UBA3: variants seen among roughly 807,000 people sequenced by gnomAD.
UBA3 encodes the protein ubiquitin like modifier activating enzyme 3, also known as NEDD8-activating enzyme E1 catalytic subunit.
In UBA3, 26 loss-of-function variants were observed where a neutral mutation model predicts 73.5. That is an observed-to-expected ratio of 0.35 (90% CI 0.26 to 0.49). The LOEUF is 0.49. Among genes scored for constraint, UBA3 ranks in the 20% least tolerant of loss-of-function variants. The pLI is 0.98. For missense variants in UBA3, 495 were observed against 555.6 expected, an observed-to-expected ratio of 0.89 and a Z score of 1.10; for synonymous variants, 217 against 191.2, an observed-to-expected ratio of 1.13 and a Z score of -1.11.
At chr3:69,065,530 C>A (rs1320368669) in intron 6 of UBA3, among the ~76,000 whole-genome samples, 1 of 152,230 alleles carries the variant, frequency 6.6e-6, no homozygotes, top group Admixed American at 6.5e-5. Flanking sequence ...GCAGCCTCCA[C>A]ATCCTGGGCT....
At chr3:69,074,913 C>T (rs2092152211) in intron 4 of UBA3, among the ~76,000 whole-genome samples, 1 of 152,138 alleles carries the variant, frequency 6.6e-6, no homozygotes, top group Non-Finnish European at 1.5e-5. Flanking sequence ...GAACACTTAA[C>T]TAAGAACTGA....
intron 4 of UBA3, among the ~76,000 whole-genome samples, chr3:69,074,501 C>G (rs1244839188): frequency 6.6e-6 from 1 of 152,176 alleles, no homozygotes. Flanking sequence ...TTCACTCAAG[C>G]GACATTAGTG....
intron 8 of UBA3, 150 bp downstream of exon 8, chr3:69,063,289 A>G: frequency 1.6e-6 from 2 of 1,265,770 alleles, no homozygotes; most frequent in South Asian, 2.8e-5. Context: ...TCTTCACCTG[A>G]AAACCAATGA....
chr3:69,079,531 T>A (rs3755718), intron 2 of UBA3, among the ~76,000 whole-genome samples: 1 of 152,046 alleles, frequency 6.6e-6, no homozygotes, highest in African/African-American at 2.4e-5. Context: ...CTCACCAGCA[T>A]AGAATTAAGC....
intron 6 of UBA3, among the ~76,000 whole-genome samples, chr3:69,064,673 T>G (rs1413662207): frequency 6.6e-6 from 1 of 152,196 alleles, no homozygotes; most frequent in Non-Finnish European, 1.5e-5. Context: ...GTTTTCAAGT[T>G]ACCCTACCAA....
At position 69,080,117 on chromosome 3, in the gene UBA3, A is replaced by G; in HGVS notation, c.57T>C (p.Ala19=). 1 of 1,608,516 alleles carries G rather than the reference A, an allele frequency of 6.2e-7. No homozygotes were observed. The highest frequency in any genetic ancestry group is 8.5e-7 in the Non-Finnish European group (1 of 1,178,444). ...KKRRRIEELL[A]EKMAVDGGCG... is the part of the protein sequence containing the mutation. Reference sequence around the variant, plus strand: ...GGCCTCCCGGCAGCACTAACTTCTCAGCCAGCAGCTCCTCTATTCTCCTTC... The same window carrying G: ...GGCCTCCCGGCAGCACTAACTTCTCGGCCAGCAGCTCCTCTATTCTCCTTC... Residue 19 remains alanine, a synonymous_variant, in exon 2 of 18, where the codon GCT becomes GCC. Transcript: ENST00000361055.
At chr3:69,057,363 T>C (rs1024611401) in intron 11 of UBA3, 54 bp from the exon 12 acceptor site, 2 of 1,496,100 alleles carry the variant, frequency 1.3e-6, no homozygotes, top group East Asian at 2.3e-5. Flanking sequence ...AAAAGAGTTC[T>C]CTTAAATTAG....
chr3:69,056,190 C>T lies in UBA3; in HGVS notation c.1177G>A (p.Ala393Thr), dbSNP rs781467334. ...AAAATCTACAATACTTACAGAGAAG[C>T]ACTATTGGTTAGATAATCCAAAACC... ...QEVLDYLTNS[A>T]SLQMKSPAIT... is the part of the protein sequence containing the mutation. Residue 393 changes from alanine (A) to threonine (T), a missense_variant, in exon 15 of 18, where the codon GCT becomes ACT. Ala to Thr is a moderately conservative substitution (Grantham distance 58). Transcript: ENST00000361055. 3 of 1,583,344 alleles carry T rather than the reference C, an allele frequency of 1.9e-6. No homozygotes were observed. Among genetic ancestry groups the T allele is most frequent in the Non-Finnish European group, 2.6e-6 (3 of 1,170,592 alleles).
At position 69,063,449 on chromosome 3, in the gene UBA3, T is replaced by C. The variant is rs753145321; in HGVS notation, c.527A>G (p.Asn176Ser). Residue 176 changes from asparagine (N) to serine (S), a missense_variant, in exon 8 of 18, where the codon AAT becomes AGT. Coordinates refer to ENST00000361055, the MANE Select transcript of UBA3 (RefSeq NM_003968.4). Reference sequence around the variant, plus strand: ...TACTAAAGTCTTTACCAGCATGCCATTTATCCATCTTCTGGCGATGATAGA... The same window carrying C: ...TACTAAAGTCTTTACCAGCATGCCACTTATCCATCTTCTGGCGATGATAGA... ...LDSIIARRWI[N>S]GMLISLLNYE... is the part of the protein sequence containing the mutation. 6.2e-7 allele frequency: 1 copy of C among 1,600,550 alleles called. No homozygotes were observed. Among genetic ancestry groups the C allele is most frequent in the Non-Finnish European group, 8.5e-7 (1 of 1,176,598 alleles).
At chr3:69,075,782 G>C (rs940532287) in intron 3 of UBA3, among the ~76,000 whole-genome samples, 1 of 151,914 alleles carries the variant, frequency 6.6e-6, no homozygotes, top group African/African-American at 2.4e-5. Flanking sequence ...ACACAGGCTG[G>C]AGTGACTGAT....
At chr3:69,069,487 T>C (rs930866374) in intron 5 of UBA3, among the ~76,000 whole-genome samples, 3 of 152,006 alleles carry the variant, frequency 2.0e-5, no homozygotes, top group Admixed American at 2.0e-4. Context: ...TCACTACGCC[T>C]GGCTAATTTT....
intron 5 of UBA3, 53 bp downstream of exon 5, chr3:69,071,482 C>G (rs2092121657): frequency 2.1e-6 from 2 of 970,324 alleles, no homozygotes. Flanking sequence ...TGTACAAGTT[C>G]AAATGATTAT....
In UBA3 at chr3:69,055,221, A is replaced by T; in HGVS notation, c.*216T>A. 1 of 350,506 alleles carries T rather than the reference A, an allele frequency of 2.9e-6. No individual in the cohort carries two copies. Among genetic ancestry groups the T allele is most frequent in the Admixed American group, 4.9e-5 (1 of 20,502 alleles). The allele number at this position is 350,506 out of a possible 1,614,324, so 21.7% of individuals were successfully genotyped here. On this transcript the variant is annotated 3_prime_UTR_variant, in exon 18 of 18. Transcript: ENST00000361055. ...ACATTTGCTCATAATCTCTCTCTCC[A>T]GGTATCATTTCTCATATTATTAATG... is the stretch of plus-strand genomic sequence containing the variant.
chr3:69,055,518 C>T lies in UBA3; in HGVS notation c.1311G>A (p.Gly437=). The T allele has an allele frequency of 6.3e-7, 1 of 1,580,422 alleles. No individual in the cohort carries two copies. The highest frequency in any genetic ancestry group is 8.5e-7 in the Non-Finnish European group (1 of 1,170,664). ...PNLSKTLKEL[G]LVDGQELAVA... ...CCGCCAGTTCTTGTCCATCAACAAGCCCCAATTCTAAAACAGAAAAAATAT... is the reference window on the plus strand; with the variant it reads ...CCGCCAGTTCTTGTCCATCAACAAGTCCCAATTCTAAAACAGAAAAAATAT... Residue 437 remains glycine, a synonymous_variant, in exon 18 of 18, where the codon GGG becomes GGA. Coordinates refer to ENST00000361055, the MANE Select transcript of UBA3 (RefSeq NM_003968.4).
intron 6 of UBA3, among the ~76,000 whole-genome samples, chr3:69,067,160 A>C (rs780853793): frequency 2.0e-5 from 3 of 152,180 alleles, no homozygotes; most frequent in Non-Finnish European, 4.4e-5. Flanking sequence ...TTTAGGGAGA[A>C]ATGACATCTT....
chr3:69,060,905 G>A (rs1254642851), intron 11 of UBA3, among the ~76,000 whole-genome samples: 1 of 152,150 alleles, frequency 6.6e-6, no homozygotes, highest in African/African-American at 2.4e-5. Flanking sequence ...ACGAGTAAAA[G>A]CTTCCTGAGG....
chr3:69,056,028 T>C lies in UBA3; in HGVS notation c.1220A>G (p.Glu407Gly). 1.2e-6 allele frequency: 2 copies of C among 1,606,704 alleles called. No homozygotes were observed. The highest frequency in any genetic ancestry group is 1.7e-6 in the Non-Finnish European group (2 of 1,177,978). ...MKSPAITATLEGKNRTLYLQS... is the reference protein window; with the variant it reads ...MKSPAITATLGGKNRTLYLQS... Reference sequence around the variant, plus strand: ...TAAGTAAAGTGTTCTATTTTTTCCCTCTAGGGTGGCTGTGATGGCTGGAGA... The same window carrying C: ...TAAGTAAAGTGTTCTATTTTTTCCCCCTAGGGTGGCTGTGATGGCTGGAGA... The change falls in exon 16 of 18, where the codon GAG becomes GGG. Residue 407 changes from glutamate (E) to glycine (G), a missense_variant. By Grantham distance (98) the Glu-to-Gly change is moderately conservative. Transcript: ENST00000361055.
intron 9 of UBA3, among the ~76,000 whole-genome samples, 156 bp downstream of exon 9, chr3:69,062,822 CAAAT>C (rs1486514108): frequency 6.6e-6 from 1 of 152,160 alleles, no homozygotes; most frequent in African/African-American, 2.4e-5. Flanking sequence ...TATCTTTCCT[CAAAT>C]AGAGCAGAAT....
chr3:69,058,173 G>A (rs1012253994), intron 11 of UBA3, among the ~76,000 whole-genome samples: 15 of 152,016 alleles, frequency 9.9e-5, no homozygotes, highest in Admixed American at 1.3e-4. Context: ...CTTGTGATCC[G>A]CCCGCCCTGG....
Sources: allele counts gnomAD v4.1 joint callset (sites outside exome capture counted in the v4.1 genomes callset), GRCh38; gene constraint gnomAD v4.1.1; transcripts MANE v1.5; gene names NCBI Gene and HGNC (gene_info 2026-07-23, HGNC 2026-07-21).